MID1: variants seen among roughly 807,000 people sequenced by gnomAD.
MID1 encodes E3 ubiquitin-protein ligase Midline-1.
In MID1, 7 loss-of-function variants were observed where a neutral mutation model predicts 40.4. That is an observed-to-expected ratio of 0.17 (90% CI 0.10 to 0.33). The LOEUF is 0.33. Among genes scored for constraint, MID1 ranks in the 10% least tolerant of loss-of-function variants. The pLI, the probability that MID1 is intolerant of heterozygous loss-of-function variation, is 1.00. For missense variants in MID1, 367 were observed against 558.5 expected (o/e 0.66, Z 3.46); for synonymous variants, 229 against 221.2 (o/e 1.04, Z -0.31).
intron 1 of MID1, among the ~76,000 whole-genome samples, chrX:10,603,635 T>C (rs1430092803): frequency 8.9e-6 from 1 of 111,934 alleles, no homozygotes; most frequent in Non-Finnish European, 1.9e-5. Context: ...GTTAGCTTTG[T>C]CTTTGAAGAG....
At chrX:10,508,224 T>C (rs1225689451) in intron 3 of MID1, among the ~76,000 whole-genome samples, 1 of 112,206 alleles carries the variant, frequency 8.9e-6, no homozygotes, top group African/African-American at 3.2e-5. Flanking sequence ...AACCATGGGC[T>C]ACAGAAGTTC....
chrX:10,719,210 G>A (rs1266617255), intron 1 of MID1, among the ~76,000 whole-genome samples: 1 of 108,100 alleles, frequency 9.3e-6, no homozygotes, highest in African/African-American at 3.4e-5. Context: ...AATCAGGCAG[G>A]AGAAGGAAAT....
intron 4 of MID1, among the ~76,000 whole-genome samples, chrX:10,487,177 G>C (rs962006892): frequency 9.0e-6 from 1 of 111,398 alleles, no homozygotes; most frequent in Admixed American, 9.5e-5. Flanking sequence ...ATTATTGATA[G>C]CATTAAAGCC....
intron 1 of MID1, among the ~76,000 whole-genome samples, chrX:10,661,437 C>T (rs763220595): frequency 1.8e-5 from 2 of 109,253 alleles, no homozygotes; most frequent in Admixed American, 2.0e-4. Flanking sequence ...CTCAGCCTCC[C>T]GAGTAGCTGG....
At chrX:10,576,821 G>A (rs1307547142) in intron 1 of MID1, 1 of 110,352 alleles carries the variant, frequency 9.1e-6, no homozygotes, top group Non-Finnish European at 1.9e-5. Context: ...AAGAAACATC[G>A]CCGTAGGCAG....
chrX:10,816,671 G>C (rs1569177642), intron 1 of MID1, among the ~76,000 whole-genome samples: 1 of 111,972 alleles, frequency 8.9e-6, no homozygotes, highest in Non-Finnish European at 1.9e-5. Context: ...CAACTAAATT[G>C]CACCTTTAGT....
chrX:10,758,514 G>C (rs1430268823), intron 1 of MID1, among the ~76,000 whole-genome samples: 1 of 66,665 alleles, frequency 1.5e-5, no homozygotes, highest in Non-Finnish European at 2.4e-5. Context: ...TTTTTGAGAC[G>C]GAGTCTCGCT....
chrX:10,630,825 A>G (rs1287519943), intron 1 of MID1, among the ~76,000 whole-genome samples: 2 of 111,061 alleles, frequency 1.8e-5, no homozygotes, highest in Non-Finnish European at 3.8e-5. Context: ...TGATAGTACA[A>G]TGAGTGTGGC....
intron 1 of MID1, among the ~76,000 whole-genome samples, chrX:10,614,437 C>CA (rs993138517): frequency 2.7e-5 from 3 of 112,084 alleles, no homozygotes; most frequent in Non-Finnish European, 5.6e-5. Flanking sequence ...GCCCTGCCCC[C>CA]AAATATTGTC....
intron 1 of MID1, among the ~76,000 whole-genome samples, chrX:10,703,927 G>A (rs902078464): frequency 8.9e-6 from 1 of 111,882 alleles, no homozygotes; most frequent in African/African-American, 3.2e-5. Flanking sequence ...TGCCAATTCC[G>A]TTTCATCTCC....
At chrX:10,679,587 T>C (rs1262271145) in intron 1 of MID1, among the ~76,000 whole-genome samples, 1 of 112,263 alleles carries the variant, frequency 8.9e-6, no homozygotes, top group East Asian at 2.8e-4. Context: ...TGTTGAGTAG[T>C]TGCAGTATTG....
intron 2 of MID1, among the ~76,000 whole-genome samples, chrX:10,530,055 T>C (rs910730992): frequency 2.7e-5 from 3 of 112,060 alleles, no homozygotes; most frequent in Admixed American, 1.9e-4. Flanking sequence ...AAGAGGGCCT[T>C]GAGAGTTTAG....
intron 1 of MID1, among the ~76,000 whole-genome samples, chrX:10,692,108 C>T (rs1384635704): frequency 8.9e-6 from 1 of 111,790 alleles, no homozygotes; most frequent in Non-Finnish European, 1.9e-5. Context: ...GACATGGACC[C>T]TCATCAGTAA....
In MID1 at chrX:10,616,105, A is replaced by G. The variant is rs753372971; in HGVS notation, c.-57+4185T>C. On this transcript the variant is annotated intron_variant, in intron 1 of 9. Transcript: ENST00000317552. ...AAGTCCGCTGCCTGATCTTCCGACCACGGGAACTTCAAGCCTGACCCCTGC... is the reference window on the plus strand; with the variant it reads ...AAGTCCGCTGCCTGATCTTCCGACCGCGGGAACTTCAAGCCTGACCCCTGC... Among the ~76,000 whole-genome samples the G allele has an allele frequency of 8.0e-5, 9 of 111,968 alleles. No individual in the cohort carries two copies. The South Asian group carries it at 3.4e-3, about 42-fold the overall frequency.
At chrX:10,830,881 A>C (rs759376139) in intron 1 of MID1, among the ~76,000 whole-genome samples, 6 of 112,117 alleles carry the variant, frequency 5.4e-5, no homozygotes, top group Non-Finnish European at 1.1e-4. Context: ...TAACATGTAG[A>C]GGGCCTTAAC....
chrX:10,636,888 G>C (rs916432357), intron 1 of MID1, among the ~76,000 whole-genome samples: 2 of 94,150 alleles, frequency 2.1e-5, no homozygotes, highest in African/African-American at 3.9e-5. Context: ...TTAAAACGCT[G>C]TGTGTGTGTG....
chrX:10,644,119 C>G (rs60027385), intron 1 of MID1, among the ~76,000 whole-genome samples: 18 of 111,004 alleles, frequency 1.6e-4, no homozygotes, highest in African/African-American at 5.9e-4. Flanking sequence ...CAAACCTGCA[C>G]GTTGTGCACA....
intron 1 of MID1, among the ~76,000 whole-genome samples, chrX:10,569,721 T>A (rs1484193962): frequency 2.7e-5 from 3 of 111,581 alleles, no homozygotes; most frequent in African/African-American, 9.8e-5. Context: ...GTGCCAGGAT[T>A]CCATCCCAGA....
intron 1 of MID1, among the ~76,000 whole-genome samples, chrX:10,606,077 G>T (rs1935620527): frequency 9.0e-6 from 1 of 111,417 alleles, no homozygotes; most frequent in Non-Finnish European, 1.9e-5. Context: ...ACAACTTAAA[G>T]AATGAAAACT....
Sources: allele counts gnomAD v4.1 joint callset (sites outside exome capture counted in the v4.1 genomes callset), GRCh38; gene constraint gnomAD v4.1.1; transcripts MANE v1.5; gene names NCBI Gene and HGNC (gene_info 2026-07-23, HGNC 2026-07-21).